CBLN2: variants seen among roughly 807,000 people sequenced by gnomAD.
The protein encoded by CBLN2 is cerebellin 2 precursor.
Under a neutral mutation model 15.0 loss-of-function variants are expected in CBLN2, and 7 were observed. The observed-to-expected ratio is 0.47, with a 90% confidence interval of 0.27 to 0.88. The LOEUF (loss-of-function observed/expected upper bound fraction) is 0.88. Among genes scored for constraint, CBLN2 ranks in the 40% least tolerant of loss-of-function variants. CBLN2 has a pLI of 0.14. For missense variants in CBLN2, 242 were observed against 304.5 expected (o/e 0.79, Z 1.53); for synonymous variants, 149 against 135.2 (o/e 1.10, Z -0.71).
intron 1 of CBLN2, among the ~76,000 whole-genome samples, chr18:72,549,508 T>G (rs560583607): frequency 2.0e-5 from 3 of 152,342 alleles, no homozygotes; most frequent in Non-Finnish European, 2.9e-5. Flanking sequence ...AATGGTCTAG[T>G]GATCATATAA....
intron 1 of CBLN2, among the ~76,000 whole-genome samples, chr18:72,578,553 T>C (rs2069383176): frequency 6.6e-6 from 1 of 152,236 alleles, no homozygotes; most frequent in Non-Finnish European, 1.5e-5. Context: ...CCCTCCTTTT[T>C]CTACTAAGTA....
In CBLN2 at chr18:72,565,717, G is replaced by A. The variant is rs919022113; in HGVS notation, c.16-26945C>T. Among the ~76,000 whole-genome samples the A allele has an allele frequency of 2.6e-5, 4 of 152,132 alleles. No homozygotes were observed. The South Asian group carries it at 6.2e-4, about 24-fold the overall frequency. Reference sequence around the variant, plus strand: ...GAACACAAAGGTAAATAACAAAAGAGGATGAGAGGTTCATGGTTGCATGAC... The same window carrying A: ...GAACACAAAGGTAAATAACAAAAGAAGATGAGAGGTTCATGGTTGCATGAC... On this transcript the variant is annotated intron_variant, in intron 1 of 2. Transcript: ENST00000581073.
intron 1 of CBLN2, among the ~76,000 whole-genome samples, chr18:72,558,745 G>T (rs2144890372): frequency 6.6e-6 from 1 of 152,278 alleles, no homozygotes; most frequent in South Asian, 2.1e-4. Context: ...TATTGTATAA[G>T]CATATGAGGT....
chr18:72,603,109 GC>G (rs2069560068), intron 1 of CBLN2, among the ~76,000 whole-genome samples: 1 of 152,250 alleles, frequency 6.6e-6, no homozygotes. Flanking sequence ...ATGCCGCAAG[GC>G]AAAATCACAA....
rs2069072875 is a variant in CBLN2, at chr18:72,537,494, G to A, written c.*682C>T. ...GAAAAATAAAAGTGGGGTTGAGGAG[G>A]GAGAGCTGAGTGTGGAAAGAAAAGT... On this transcript the variant is annotated 3_prime_UTR_variant, in exon 5 of 5. Coordinates refer to ENST00000269503, the MANE Select transcript of CBLN2 (RefSeq NM_182511.4). The A allele has an allele frequency of 6.6e-6, 1 of 152,528 alleles. No homozygotes were observed. The highest frequency in any genetic ancestry group is 6.5e-5 in the Admixed American group (1 of 15,270). 9.4% of individuals were successfully genotyped at this position (152,528 alleles called of 1,614,324 possible).
chr18:72,542,188 G>T lies in CBLN2; in HGVS notation c.-28C>A. Reference sequence around the variant, plus strand: ...GGACTGGTGGGAGGCGGCGCGCGGGGGTGGAGGCCGGCGCCGGCGCGAGCG... The same window carrying T: ...GGACTGGTGGGAGGCGGCGCGCGGGTGTGGAGGCCGGCGCCGGCGCGAGCG... On this transcript the variant is annotated 5_prime_UTR_variant, in exon 3 of 5. Transcript: ENST00000269503. 1 of 1,197,800 alleles carries T rather than the reference G, an allele frequency of 8.3e-7. No individual in the cohort carries two copies. The highest frequency in any genetic ancestry group is 1.0e-6 in the Non-Finnish European group (1 of 967,406). 74.2% of individuals were successfully genotyped at this position (1,197,800 alleles called of 1,614,324 possible). A position where few individuals can be genotyped will look rare whatever the true frequency, so the allele number is the denominator to read the frequency against.
At chr18:72,623,845 A>T (rs142322964) in intron 1 of CBLN2, among the ~76,000 whole-genome samples, 1 of 152,100 alleles carries the variant, frequency 6.6e-6, no homozygotes, top group Non-Finnish European at 1.5e-5. Flanking sequence ...TCTAGAATTC[A>T]CCGGACTGAT....
chr18:72,568,654 T>G (rs530378403), intron 1 of CBLN2, among the ~76,000 whole-genome samples: 160 of 152,320 alleles, frequency 1.1e-3, no homozygotes, highest in Non-Finnish European at 1.7e-3. Flanking sequence ...TATTACCTAT[T>G]CTTTTGAGGT....
At chr18:72,555,591 A>C (rs905594364) in intron 1 of CBLN2, among the ~76,000 whole-genome samples, 1 of 152,220 alleles carries the variant, frequency 6.6e-6, no homozygotes, top group Non-Finnish European at 1.5e-5. Context: ...TTTTATATAC[A>C]GTAATCTACT....
At chr18:72,592,282 T>C (rs114455120) in intron 1 of CBLN2, among the ~76,000 whole-genome samples, 9,855 of 152,170 alleles carry the variant, frequency 0.065, 306 homozygotes, top group East Asian at 0.093. Context: ...TATAACTGTT[T>C]GCCATCTGTA....
chr18:72,550,099 C>T (rs1270179915), intron 1 of CBLN2, among the ~76,000 whole-genome samples: 1 of 152,106 alleles, frequency 6.6e-6, no homozygotes, highest in Non-Finnish European at 1.5e-5. Flanking sequence ...GAAACTTGGG[C>T]TTTTCTTACT....
At chr18:72,614,515 G>T (rs1185658453) in intron 1 of CBLN2, among the ~76,000 whole-genome samples, 2 of 152,108 alleles carry the variant, frequency 1.3e-5, no homozygotes, top group Non-Finnish European at 1.5e-5. Flanking sequence ...TATGTGGAAA[G>T]ATTTATTCCA....
chr18:72,546,495 T>C (rs665301), upstream of CBLN2, among the ~76,000 whole-genome samples: 22,755 of 152,126 alleles, frequency 0.15, 1,824 homozygotes, highest in Admixed American at 0.21. Context: ...CTTGTAAATA[T>C]GCTTAGAAAT....
chr18:72,538,446 A>G (rs1198134180), intron 4 of CBLN2, 73 bp from the exon 5 acceptor site: 34 of 1,535,044 alleles, frequency 2.2e-5, no homozygotes, highest in African/African-American at 1.4e-5. Context: ...TCCTTTGCCA[A>G]TATCCCCACT....
rs2069390459 is a variant in CBLN2 at position 72,579,723 on chromosome 18, C to T, written c.16-40951G>A. On this transcript the variant is annotated intron_variant, in intron 1 of 2. Coordinates refer to the CBLN2 transcript ENST00000581073. ...CTCCAGCCTGGGTGACAGAGCGAGACTCCGTCTCGCAAAAAACAAAAAACA... is the reference window on the plus strand; with the variant it reads ...CTCCAGCCTGGGTGACAGAGCGAGATTCCGTCTCGCAAAAAACAAAAAACA... Among the ~76,000 whole-genome samples the T allele has an allele frequency of 2.9e-5, 4 of 138,056 alleles. No homozygotes were observed. In the South Asian group the frequency reaches 1.0e-3, roughly 35 times the overall value. 90.6% of individuals were successfully genotyped at this position (138,056 alleles called of 152,430 possible). A position where few individuals can be genotyped will look rare whatever the true frequency, so the allele number is the denominator to read the frequency against.
intron 1 of CBLN2, among the ~76,000 whole-genome samples, chr18:72,617,938 A>T (rs1355870680): frequency 6.6e-6 from 1 of 152,196 alleles, no homozygotes; most frequent in Non-Finnish European, 1.5e-5. Flanking sequence ...GAACGAGAAA[A>T]AGAAAATTAT....
intron 1 of CBLN2, among the ~76,000 whole-genome samples, chr18:72,611,111 T>C (rs1043210327): frequency 6.6e-6 from 1 of 152,216 alleles, no homozygotes; most frequent in Non-Finnish European, 1.5e-5. Context: ...ATGGTGTATA[T>C]GTACCATATT....
chr18:72,624,848 G>T (rs940327040), intron 1 of CBLN2, among the ~76,000 whole-genome samples: 1 of 152,100 alleles, frequency 6.6e-6, no homozygotes, highest in Admixed American at 6.6e-5. Context: ...TAAATATGGG[G>T]AGAAGAAGAC....
At chr18:72,540,307 C>G (rs1031684736) in intron 3 of CBLN2, 13 of 152,054 alleles carry the variant, frequency 8.5e-5, no homozygotes, top group Non-Finnish European at 1.5e-5. Context: ...GAAAGAACAC[C>G]CAACCAGATC....
Sources: allele counts gnomAD v4.1 joint callset (sites outside exome capture counted in the v4.1 genomes callset), GRCh38; gene constraint gnomAD v4.1.1; transcripts MANE v1.5; gene names NCBI Gene and HGNC (gene_info 2026-07-23, HGNC 2026-07-21).